CNTNAP2: variants seen among roughly 807,000 people sequenced by gnomAD.
CNTNAP2 encodes the protein contactin associated protein 2.
Under a neutral mutation model 155.2 loss-of-function variants are expected in CNTNAP2, and 98 were observed. The observed-to-expected ratio is 0.63, with a 90% CI of 0.54 to 0.75. The LOEUF is 0.75. Ranked by LOEUF, CNTNAP2 falls within the 30% of genes least tolerant of loss-of-function variation. The pLI is 0.00. For synonymous variants in CNTNAP2, 651 were observed against 631.2 expected, an observed-to-expected ratio of 1.03 and a Z score of -0.47; for missense variants, 1,727 against 1,688.1, an observed-to-expected ratio of 1.02 and a Z score of -0.40.
intron 8 of CNTNAP2, among the ~76,000 whole-genome samples, chr7:147,157,167 T>C (rs1801941449): frequency 6.6e-6 from 1 of 152,056 alleles, no homozygotes; most frequent in Admixed American, 6.6e-5. Context: ...GGGAAAGCTC[T>C]CCATGACACC....
rs185879233 is a variant in CNTNAP2, at chr7:147,303,115, C to T, written c.1498+2825C>T. ...GAAGCATTTCTAAGAACTCAGGTTA[C>T]AGGCCTCGCCAGAATCTTTTACCAT... On this transcript the variant is annotated intron_variant, in intron 9 of 23. Coordinates refer to ENST00000361727, the MANE Select transcript of CNTNAP2 (RefSeq NM_014141.6). 3.9e-5 allele frequency among the ~76,000 whole-genome samples: 6 copies of T among 152,336 alleles called. No individual in the cohort carries two copies. The East Asian group carries it at 9.6e-4, about 24-fold the overall frequency.
chr7:147,839,860 G>T (rs1490678338), intron 13 of CNTNAP2, among the ~76,000 whole-genome samples: 1 of 151,912 alleles, frequency 6.6e-6, no homozygotes, highest in Non-Finnish European at 1.5e-5. Flanking sequence ...TGGATGATTG[G>T]ATAAAGACAA....
At chr7:148,288,505 A>C (rs189199624) in intron 21 of CNTNAP2, among the ~76,000 whole-genome samples, 142 of 152,264 alleles carry the variant, frequency 9.3e-4, no homozygotes, top group Non-Finnish European at 1.5e-3. Flanking sequence ...AATACCATCA[A>C]CATATGAATT....
chr7:146,423,757 T>A (rs889116152), intron 1 of CNTNAP2, among the ~76,000 whole-genome samples: 2 of 152,244 alleles, frequency 1.3e-5, no homozygotes, highest in African/African-American at 4.8e-5. Context: ...CTTAAATTCA[T>A]AAAAACAGTT....
chr7:146,225,381 T>C (rs1453466268), intron 1 of CNTNAP2, among the ~76,000 whole-genome samples: 1 of 152,212 alleles, frequency 6.6e-6, no homozygotes, highest in Non-Finnish European at 1.5e-5. Flanking sequence ...GAAGTTATTT[T>C]ACTATATATA....
chr7:146,191,840 A>G (rs1254690719), intron 1 of CNTNAP2, among the ~76,000 whole-genome samples: 1 of 152,142 alleles, frequency 6.6e-6, no homozygotes, highest in African/African-American at 2.4e-5. Context: ...TCTTTTTTCA[A>G]GGTGCCCAGA....
chr7:147,373,513 A>G (rs927274867), intron 9 of CNTNAP2, among the ~76,000 whole-genome samples: 4 of 152,050 alleles, frequency 2.6e-5, no homozygotes, highest in Admixed American at 6.6e-5. Context: ...AATTATTTTG[A>G]CAGCTTAAAC....
intron 2 of CNTNAP2, among the ~76,000 whole-genome samples, chr7:146,833,837 G>T (rs1803561626): frequency 6.6e-6 from 1 of 152,100 alleles, no homozygotes; most frequent in African/African-American, 2.4e-5. Flanking sequence ...CCCACTCATT[G>T]CTTTGCATGT....
intron 2 of CNTNAP2, among the ~76,000 whole-genome samples, chr7:146,808,933 C>A (rs945015101): frequency 1.3e-5 from 2 of 152,142 alleles, no homozygotes; most frequent in Non-Finnish European, 2.9e-5. Context: ...TGCTTGTGTG[C>A]ATACATGTCA....
At chr7:146,413,856 A>G (rs1795900666) in intron 1 of CNTNAP2, among the ~76,000 whole-genome samples, 1 of 152,132 alleles carries the variant, frequency 6.6e-6, no homozygotes, top group South Asian at 2.1e-4. Flanking sequence ...CTTTTTTAAA[A>G]GTTGAGCTTA....
intron 21 of CNTNAP2, among the ~76,000 whole-genome samples, chr7:148,313,707 C>T (rs1262932677): frequency 6.6e-6 from 1 of 152,044 alleles, no homozygotes; most frequent in Admixed American, 6.6e-5. Context: ...TTAATTAAGT[C>T]CTGTTGTGGG....
chr7:147,395,190 T>C (rs1796792486), intron 9 of CNTNAP2, among the ~76,000 whole-genome samples: 1 of 151,860 alleles, frequency 6.6e-6, no homozygotes, highest in Admixed American at 6.6e-5. Flanking sequence ...AAAATAGAAA[T>C]AAATATCAAA....
intron 9 of CNTNAP2, among the ~76,000 whole-genome samples, chr7:147,351,525 CTA>C (rs1331064758): frequency 6.6e-6 from 1 of 151,614 alleles, no homozygotes; most frequent in Non-Finnish European, 1.5e-5. Flanking sequence ...TATGTTTTGC[CTA>C]TGTTTAATAT....
chr7:148,115,673 G>A (rs1243933117), intron 15 of CNTNAP2, among the ~76,000 whole-genome samples: 1 of 152,082 alleles, frequency 6.6e-6, no homozygotes, highest in Non-Finnish European at 1.5e-5. Context: ...AGATGTTGAG[G>A]GGGGAGGAAG....
In CNTNAP2 at chr7:147,817,904, C is replaced by CAAA. The variant is rs56695268; in HGVS notation, c.2099-85645_2099-85643dup. Among the ~76,000 whole-genome samples, 90 of 95,530 alleles carry CAAA rather than the reference C, an allele frequency of 9.4e-4. 1 individual carries two copies. The highest frequency in any genetic ancestry group is 5.5e-3 in the Middle Eastern group (1 of 182). 62.7% of individuals were successfully genotyped at this position (95,530 alleles called of 152,430 possible). On this transcript the variant is annotated intron_variant, in intron 13 of 23. Transcript: ENST00000361727. ...TGGGCAACAGAGCGAGACTCTGTCT[C>CAAA]AAAAAAAAAAAAAAAAAATAGCAAA...
At chr7:147,156,984 A>T (rs1801937952) in intron 8 of CNTNAP2, among the ~76,000 whole-genome samples, 2 of 152,134 alleles carry the variant, frequency 1.3e-5, no homozygotes, top group Non-Finnish European at 2.9e-5. Context: ...CTGCTTCATT[A>T]AAAATCCAGA....
rs563987530 is a variant in CNTNAP2, at chr7:147,344,361, T to C, written c.1498+44071T>C. Among the ~76,000 whole-genome samples the C allele has an allele frequency of 4.6e-5, 7 of 152,314 alleles. No individual in the cohort carries two copies. In the South Asian group the frequency reaches 1.4e-3, roughly 32 times the overall value. ...ATATTTAGGGTCAGTCCTTTTCTTC[T>C]TAGGCTGACCAAAAGCTAAGAGGAT... On this transcript the variant is annotated intron_variant, in intron 9 of 23. Coordinates refer to ENST00000361727, the MANE Select transcript of CNTNAP2 (RefSeq NM_014141.6).
At chr7:147,875,289 C>T (rs969402539) in intron 13 of CNTNAP2, among the ~76,000 whole-genome samples, 4 of 152,144 alleles carry the variant, frequency 2.6e-5, no homozygotes, top group Non-Finnish European at 5.9e-5. Context: ...GCTGGGAAGG[C>T]CTCACAATCA....
intron 3 of CNTNAP2, among the ~76,000 whole-genome samples, chr7:146,944,426 AT>A (rs1459978275): frequency 3.3e-5 from 5 of 152,060 alleles, no homozygotes; most frequent in Non-Finnish European, 5.9e-5. Flanking sequence ...TTATATCTTA[AT>A]TTTTATGAAA....
Sources: allele counts gnomAD v4.1 joint callset (sites outside exome capture counted in the v4.1 genomes callset), GRCh38; gene constraint gnomAD v4.1.1; transcripts MANE v1.5; gene names NCBI Gene and HGNC (gene_info 2026-07-23, HGNC 2026-07-21).